The following GTF2B variants were observed in gnomAD, a reference collection of about 807,000 sequenced individuals.
GTF2B encodes the protein general transcription factor IIB.
GTF2B carries 20 observed loss-of-function variants against 34.6 expected under a neutral mutation model. The ratio of observed to expected loss-of-function variants is 0.58; its 90% CI spans 0.41 to 0.84. GTF2B has a LOEUF of 0.84. Among genes scored for constraint, GTF2B ranks in the 40% least tolerant of loss-of-function variants. The probability of loss-of-function intolerance (pLI) is 0.00; values close to 1 mark genes in which losing one functional copy is unlikely to be tolerated. For missense variants in GTF2B, 237 were observed against 393.3 expected, an observed-to-expected ratio of 0.60 and a Z score of 3.36; for synonymous variants, 142 against 132.4, an observed-to-expected ratio of 1.07 and a Z score of -0.50.
intron 2 of GTF2B, among the ~76,000 whole-genome samples, chr1:88,876,270 C>T (rs377673581): frequency 8.3e-4 from 126 of 152,230 alleles, no homozygotes; most frequent in African/African-American, 2.8e-3. Context: ...ATAATTGGAG[C>T]ATTAAATATA....
At position 88,852,980 on chromosome 1, in the gene GTF2B, C is replaced by T. The variant is rs1265614087; in HGVS notation, c.*233G>A. The T allele has an allele frequency of 2.3e-6, 1 of 431,034 alleles. No homozygotes were observed. 26.7% of individuals were successfully genotyped at this position (431,034 alleles called of 1,614,324 possible). A position where few individuals can be genotyped will look rare whatever the true frequency, so the allele number is the denominator to read the frequency against. ...TCAAGAATTACATAATTTCAAATAT[C>T]TTCCAAAATACAGTTTCCTAGATTG... On this transcript the variant is annotated 3_prime_UTR_variant, in exon 7 of 7. Coordinates refer to ENST00000370500, the MANE Select transcript of GTF2B (RefSeq NM_001514.6).
In GTF2B at chr1:88,852,716, TA is replaced by T. The variant is rs1407776290; in HGVS notation, c.*496del. Among the ~76,000 whole-genome samples the T allele has an allele frequency of 8.5e-6, 1 of 117,598 alleles. No individual in the cohort carries two copies. Among genetic ancestry groups the T allele is most frequent in the African/African-American group, 6.1e-5 (1 of 16,310 alleles). 77.1% of individuals were successfully genotyped at this position (117,598 alleles called of 152,430 possible). Reference sequence around the variant, plus strand: ...ATCACTTCTTGTTTAATAATATACATAATAAATCTCACATACACATCCTTTC... The same window carrying T: ...ATCACTTCTTGTTTAATAATATACATATAAATCTCACATACACATCCTTTC... On this transcript the variant is annotated 3_prime_UTR_variant, in exon 7 of 7. Coordinates refer to ENST00000370500, the MANE Select transcript of GTF2B (RefSeq NM_001514.6).
chr1:88,881,280 T>C (rs370527142), intron 2 of GTF2B, among the ~76,000 whole-genome samples: 126 of 152,134 alleles, frequency 8.3e-4, no homozygotes, highest in African/African-American at 2.8e-3. Context: ...TAGGCTATAC[T>C]ATGTAGCCTA....
chr1:88,871,358 T>C (rs2100971719), intron 2 of GTF2B, among the ~76,000 whole-genome samples: 1 of 152,318 alleles, frequency 6.6e-6, no homozygotes, highest in South Asian at 2.1e-4. Context: ...TCACATTACA[T>C]GTCTATAAAG....
chr1:88,857,683 C>A (rs923700166), intron 5 of GTF2B, among the ~76,000 whole-genome samples, 196 bp from the exon 6 acceptor site: 31 of 35,196 alleles, frequency 8.8e-4, no homozygotes, highest in Non-Finnish European at 1.2e-3. Flanking sequence ...CTTTAATGTT[C>A]ATCACACCTT....
intron 2 of GTF2B, among the ~76,000 whole-genome samples, chr1:88,879,443 G>C (rs572794968): frequency 1.7e-4 from 26 of 151,882 alleles, no homozygotes; most frequent in Non-Finnish European, 3.5e-4. Context: ...AGCCAGGTGC[G>C]GTGGTGGGTG....
chr1:88,876,242 A>G (rs1673813764), intron 2 of GTF2B, among the ~76,000 whole-genome samples: 1 of 152,244 alleles, frequency 6.6e-6, no homozygotes, highest in Non-Finnish European at 1.5e-5. Flanking sequence ...AGGGTAACCC[A>G]ATAATCTTTA....
In GTF2B at chr1:88,859,940, T is replaced by A; in HGVS notation, c.477A>T (p.Ile159=). 1 of 1,613,652 alleles carries A rather than the reference T, an allele frequency of 6.2e-7. No individual in the cohort carries two copies. The highest frequency in any genetic ancestry group is 8.5e-7 in the Non-Finnish European group (1 of 1,179,594). Residue 159 remains isoleucine (I), a synonymous_variant, in exon 5 of 7, where the codon ATA becomes ATT. Transcript: ENST00000370500. Reference sequence around the variant, plus strand: ...AGGCAATATAGAGACAAGCAGAAGCTATAGCATCATTAGCTCTTCCCTTCA... The same window carrying A: ...AGGCAATATAGAGACAAGCAGAAGCAATAGCATCATTAGCTCTTCCCTTCA... ...KSLKGRANDA[I]ASACLYIACR...
rs982923402 is a variant in GTF2B, at chr1:88,863,977, T to C, written c.258+4A>G. On this transcript the variant is annotated splice_donor_region_variant and intron_variant, in intron 3 of 6. Coordinates refer to ENST00000370500, the MANE Select transcript of GTF2B (RefSeq NM_001514.6). ...TGGTATTTCCTGCCAAATGGACTTA[T>C]TACCTTGCCAATCATGGTAGACAAA... 5 of 1,613,702 alleles carry C rather than the reference T, an allele frequency of 3.1e-6. No homozygotes were observed. The highest frequency in any genetic ancestry group is 4.2e-6 in the Non-Finnish European group (5 of 1,179,630).
chr1:88,864,560 C>T (rs773279962), intron 2 of GTF2B, among the ~76,000 whole-genome samples: 2 of 152,108 alleles, frequency 1.3e-5, no homozygotes, highest in African/African-American at 2.4e-5. Context: ...AGAAAATAAG[C>T]CTAAGCTTCT....
intron 2 of GTF2B, among the ~76,000 whole-genome samples, chr1:88,869,192 C>T (rs1463757677): frequency 2.6e-5 from 4 of 152,098 alleles, no homozygotes; most frequent in South Asian, 2.1e-4. Flanking sequence ...ATTTACACTA[C>T]GTAAGTAATC....
intron 2 of GTF2B, among the ~76,000 whole-genome samples, chr1:88,886,599 CA>C (rs1434329838): frequency 6.6e-6 from 1 of 152,168 alleles, no homozygotes; most frequent in Non-Finnish European, 1.5e-5. Context: ...AAAAAAGCCA[CA>C]AAAGTTTGAT....
rs1674207571 is a variant in GTF2B at position 88,891,471 on chromosome 1, G to A, written c.17+12C>T. 6.2e-7 allele frequency: 1 copy of A among 1,601,070 alleles called. No homozygotes were observed. The highest frequency in any genetic ancestry group is 8.5e-7 in the Non-Finnish European group (1 of 1,172,694). ...GCCCCTCAGCTCGCCGGGCTCGGCG[G>A]GACATACTAACCGGCTGGTAGACGC... On this transcript the variant is annotated intron_variant, in intron 1 of 6. Coordinates refer to ENST00000370500, the MANE Select transcript of GTF2B (RefSeq NM_001514.6).
intron 1 of GTF2B, among the ~76,000 whole-genome samples, chr1:88,890,567 G>A (rs1354558139): frequency 6.6e-6 from 1 of 152,172 alleles, no homozygotes; most frequent in African/African-American, 2.4e-5. Context: ...CAAAGGCCAG[G>A]TGTGGATAAC....
intron 3 of GTF2B, among the ~76,000 whole-genome samples, chr1:88,862,424 C>T (rs1673458796): frequency 6.6e-6 from 1 of 152,118 alleles, no homozygotes; most frequent in Non-Finnish European, 1.5e-5. Context: ...CACCTGTGGT[C>T]CCAGTTACTT....
intron 3 of GTF2B, among the ~76,000 whole-genome samples, chr1:88,862,378 C>T (rs1673457708): frequency 6.6e-6 from 1 of 152,042 alleles, no homozygotes; most frequent in Non-Finnish European, 1.5e-5. Context: ...TTTGTCTCTA[C>T]AAAAAATACA....
At chr1:88,860,482 G>A (rs1673410403) in intron 3 of GTF2B, among the ~76,000 whole-genome samples, 196 bp from the exon 4 acceptor site, 1 of 151,388 alleles carries the variant, frequency 6.6e-6, no homozygotes, top group Non-Finnish European at 1.5e-5. Context: ...AGCTTAAAGT[G>A]TATAAATAGA....
At position 88,865,810 on chromosome 1, in the gene GTF2B, C is replaced by G. The variant is rs116808054; in HGVS notation, c.125-1696G>C. ...AGGCTGTGGTGAACTGAGATCGCAA[C>G]AAGAGGGTAACAAGAGTGAAACTCC... On this transcript the variant is annotated intron_variant, in intron 2 of 6. Transcript: ENST00000370500. Among the ~76,000 whole-genome samples, 292 of 150,436 alleles carry G rather than the reference C, an allele frequency of 1.9e-3. 2 individuals carry two copies. Among genetic ancestry groups the G allele is most frequent in the African/African-American group, 6.3e-3 (258 of 40,782 alleles).
intron 6 of GTF2B, among the ~76,000 whole-genome samples, chr1:88,856,276 A>AAAAAAAC (rs1673304981): frequency 1.6e-5 from 2 of 127,894 alleles, no homozygotes; most frequent in East Asian, 2.1e-4. Flanking sequence ...CAAAAACAAA[A>AAAAAAAC]AAAAAAAAAA....
Sources: allele counts gnomAD v4.1 joint callset (sites outside exome capture counted in the v4.1 genomes callset), GRCh38; gene constraint gnomAD v4.1.1; transcripts MANE v1.5; gene names NCBI Gene and HGNC (gene_info 2026-07-23, HGNC 2026-07-21).